The following DPF3 variants were observed in gnomAD, a reference collection of about 807,000 sequenced individuals.
The protein encoded by DPF3 is zinc finger protein DPF3.
Under a neutral mutation model 56.8 loss-of-function variants are expected in DPF3, and 18 were observed. The observed-to-expected ratio is 0.32, with a 90% CI of 0.22 to 0.47. DPF3 has a LOEUF of 0.47. Ranked by LOEUF, DPF3 falls within the 20% of genes least tolerant of loss-of-function variation. DPF3 has a pLI of 1.00. For missense variants in DPF3, 403 were observed against 488.8 expected, an observed-to-expected ratio of 0.82 and a Z score of 1.65; for synonymous variants, 188 against 180.2, an observed-to-expected ratio of 1.04 and a Z score of -0.35.
At chr14:72,724,711 GT>G (rs3058941) in intron 4 of DPF3, among the ~76,000 whole-genome samples, 39 of 142,300 alleles carry the variant, frequency 2.7e-4, no homozygotes, top group African/African-American at 5.4e-4. Flanking sequence ...GTTTTTGTTT[GT>G]TTTTTTTTTT....
At position 72,826,489 on chromosome 14, in the gene DPF3, A is replaced by T. The variant is rs376981433; in HGVS notation, c.33-54596T>A. On this transcript the variant is annotated intron_variant, in intron 1 of 10. Transcript: ENST00000556509. The stretch of plus-strand genomic sequence containing the variant: ...AAGAGTTGCCCAGAGGAAGTGCTAA[A>T]GAAAATTGCCTCTATCCTGATCTGG... 3.3e-4 allele frequency among the ~76,000 whole-genome samples: 51 copies of T among 152,330 alleles called. 1 individual carries two copies. The South Asian group carries it at 0.01, about 30-fold the overall frequency.
At position 72,693,247 on chromosome 14, in the gene DPF3, C is replaced by T. The variant is rs1443615092; in HGVS notation, c.605-34G>A. 1.9e-6 allele frequency: 3 copies of T among 1,607,840 alleles called. No individual in the cohort carries two copies. In the African/African-American group the frequency reaches 4.0e-5, roughly 21 times the overall value. On this transcript the variant is annotated intron_variant, in intron 6 of 10. Coordinates refer to ENST00000556509, the MANE Select transcript of DPF3 (RefSeq NM_001280542.3). Reference sequence around the variant, plus strand: ...GAAAAGAGGAAAAAAGGGAGAGATACAAATATTAGCAACCTGTGCAGCCAC... The same window carrying T: ...GAAAAGAGGAAAAAAGGGAGAGATATAAATATTAGCAACCTGTGCAGCCAC...
intron 8 of DPF3, among the ~76,000 whole-genome samples, chr14:72,659,840 G>A (rs1178689393): frequency 1.3e-5 from 2 of 152,148 alleles, no homozygotes; most frequent in Non-Finnish European, 2.9e-5. Flanking sequence ...AGCTAAATGC[G>A]GTTTACACAT....
intron 7 of DPF3, among the ~76,000 whole-genome samples, chr14:72,682,078 G>T (rs535398537): frequency 7.9e-5 from 12 of 152,254 alleles, no homozygotes; most frequent in African/African-American, 2.9e-4. Flanking sequence ...GCCAGGTGTG[G>T]TGGCACACAC....
rs1285144605 is a variant in DPF3 at position 72,756,949 on chromosome 14, G to GAAA, written c.194-3579_194-3578insTTT. Among the ~76,000 whole-genome samples, 229 of 90,594 alleles carry GAAA rather than the reference G, an allele frequency of 2.5e-3. 1 individual carries two copies. Among genetic ancestry groups the GAAA allele is most frequent in the South Asian group, 2.6e-3 (7 of 2,650 alleles). The allele number at this position is 90,594 out of a possible 152,430, so 59.4% of individuals were successfully genotyped here. ...AAGAAAGAAGAGAAGAGAAGAGAAA[G>GAAA]GGAGAGGGAAAGAGGGGGAGAGAGG... On this transcript the variant is annotated intron_variant, in intron 2 of 10. Coordinates refer to ENST00000556509, the MANE Select transcript of DPF3 (RefSeq NM_001280542.3).
chr14:72,863,890 CA>C (rs1222751467), intron 1 of DPF3, among the ~76,000 whole-genome samples: 2 of 152,178 alleles, frequency 1.3e-5, no homozygotes, highest in Non-Finnish European at 2.9e-5. Context: ...TGTGCATAGA[CA>C]CTGGAAGAGC....
intron 1 of DPF3, among the ~76,000 whole-genome samples, chr14:72,865,177 G>A (rs1885613340): frequency 6.6e-6 from 1 of 152,158 alleles, no homozygotes; most frequent in South Asian, 2.1e-4. Context: ...TTATCTTTTT[G>A]AGCCCATGCC....
chr14:72,643,222 T>C (rs1885612175), intron 8 of DPF3, among the ~76,000 whole-genome samples: 1 of 152,226 alleles, frequency 6.6e-6, no homozygotes, highest in African/African-American at 2.4e-5. Flanking sequence ...CATTTTCTCC[T>C]TGCATGCATA....
chr14:72,812,937 G>A (rs2140020855), intron 1 of DPF3, among the ~76,000 whole-genome samples: 1 of 152,260 alleles, frequency 6.6e-6, no homozygotes, highest in East Asian at 1.9e-4. Flanking sequence ...ATAGGGATAG[G>A]AATGGGGTTG....
chr14:72,886,785 G>A (rs1228872913), intron 1 of DPF3, among the ~76,000 whole-genome samples: 1 of 151,972 alleles, frequency 6.6e-6, no homozygotes, highest in Non-Finnish European at 1.5e-5. Context: ...TGATAATAAT[G>A]TCCCCACTGA....
chr14:72,815,769 C>T (rs1319668012), intron 1 of DPF3, among the ~76,000 whole-genome samples: 4 of 152,182 alleles, frequency 2.6e-5, no homozygotes, highest in Admixed American at 1.3e-4. Flanking sequence ...GAGGTCAGAA[C>T]GTCCGAAATC....
chr14:72,674,287 C>A lies in DPF3; in HGVS notation c.824G>T (p.Ser275Ile). Residue 275 changes from serine to isoleucine, a missense_variant, in exon 8 of 11, where the codon AGT becomes ATT. Physicochemically the swap from Ser to Ile is moderately radical, Grantham distance 142. Transcript: ENST00000556509. ...CLGGSNMNKK[S>I]GRPEELVSCA... ...GGACACCAGCTCTTCAGGCCGCCCA[C>A]TCTTCTTGTTCATGTTGGAGCCCCC... 1 of 1,612,642 alleles carries A rather than the reference C, an allele frequency of 6.2e-7. No individual in the cohort carries two copies. Among genetic ancestry groups the A allele is most frequent in the South Asian group, 1.1e-5 (1 of 90,630 alleles).
chr14:72,738,604 G>C (rs1889999577), intron 3 of DPF3, among the ~76,000 whole-genome samples: 2 of 152,182 alleles, frequency 1.3e-5, no homozygotes, highest in South Asian at 4.2e-4. Flanking sequence ...AGTGGACAGA[G>C]TGCGGGCAGC....
intron 8 of DPF3, chr14:72,671,006 A>G: frequency 6.9e-7 from 1 of 1,450,622 alleles, no homozygotes. Flanking sequence ...TGGGAGGTGA[A>G]GGGAAAAAAA....
At chr14:72,736,072 A>C (rs1889881927) in intron 3 of DPF3, among the ~76,000 whole-genome samples, 1 of 152,240 alleles carries the variant, frequency 6.6e-6, no homozygotes, top group Non-Finnish European at 1.5e-5. Context: ...ACTGTCCAAC[A>C]GAAATGTAAT....
chr14:72,673,956 C>T, intron 8 of DPF3: 1 of 375,634 alleles, frequency 2.7e-6, no homozygotes, highest in South Asian at 4.2e-5. Context: ...CTCTACCTCG[C>T]TGTGGTCCGT....
In DPF3 at chr14:72,611,911, G is replaced by A. The variant is rs531334891; in HGVS notation, c.*7386C>T. On this transcript the variant is annotated 3_prime_UTR_variant, in exon 11 of 11. Coordinates refer to ENST00000556509, the MANE Select transcript of DPF3 (RefSeq NM_001280542.3). ...ATACTTACACCTTCCGTGATGGCGCGATACTTGACCTACAATCACGATTGC... is the reference window on the plus strand; with the variant it reads ...ATACTTACACCTTCCGTGATGGCGCAATACTTGACCTACAATCACGATTGC... 3.3e-5 allele frequency among the ~76,000 whole-genome samples: 5 copies of A among 152,190 alleles called. No homozygotes were observed. Among genetic ancestry groups the A allele is most frequent in the Middle Eastern group, 6.8e-3 (2 of 294 alleles).
At position 72,690,859 on chromosome 14, in the gene DPF3, C is replaced by T. The variant is rs191173549; in HGVS notation, c.742+2217G>A. ...AACACTTTAGAGAGCGCGACAATGG[C>T]GAAGAAACACTTTTCAGGGAGCAAC... is the stretch of plus-strand genomic sequence containing the variant. On this transcript the variant is annotated intron_variant, in intron 7 of 10. Coordinates refer to ENST00000556509, the MANE Select transcript of DPF3 (RefSeq NM_001280542.3). Among the ~76,000 whole-genome samples the T allele has an allele frequency of 3.0e-4, 45 of 152,238 alleles. No homozygotes were observed. The East Asian group carries it at 7.9e-3, about 27-fold the overall frequency.
chr14:72,800,602 A>G (rs181570492), intron 1 of DPF3, among the ~76,000 whole-genome samples: 2 of 152,186 alleles, frequency 1.3e-5, no homozygotes, highest in Admixed American at 1.3e-4. Flanking sequence ...GTGTGCATGA[A>G]TGAATGCATG....
Sources: gnomAD v4.1 joint callset for allele counts (sites outside exome capture counted in the v4.1 genomes callset) on GRCh38, gnomAD v4.1.1 for gene constraint, MANE v1.5 for transcripts, NCBI Gene and HGNC (gene_info 2026-07-23, HGNC 2026-07-21) for gene names.